The following CEP112 variants were observed in gnomAD, a reference collection of about 807,000 sequenced individuals.
CEP112 encodes the protein centrosomal protein of 112 kDa.
Under a neutral mutation model 153.0 loss-of-function variants are expected in CEP112, and 127 were observed. That is an observed-to-expected ratio of 0.83 (90% CI 0.72 to 0.96). The LOEUF (loss-of-function observed/expected upper bound fraction) is 0.96, where lower values mean the gene tolerates loss of function less well. CEP112 is among the 40% of genes least tolerant of loss of function. The probability of loss-of-function intolerance (pLI) is 0.00; values close to 1 mark genes in which losing one functional copy is unlikely to be tolerated. For missense variants in CEP112, 1,089 were observed against 1,101.2 expected, an observed-to-expected ratio of 0.99 and a Z score of 0.16; for synonymous variants, 358 against 374.4, an observed-to-expected ratio of 0.96 and a Z score of 0.51.
intron 17 of CEP112, among the ~76,000 whole-genome samples, chr17:65,985,168 G>A (rs2063360865): frequency 6.6e-6 from 1 of 152,166 alleles, no homozygotes; most frequent in South Asian, 2.1e-4. Context: ...TAAGAAAAAA[G>A]TTTTAAGATG....
chr17:65,776,476 T>G (rs959384018), intron 21 of CEP112, among the ~76,000 whole-genome samples: 1 of 152,142 alleles, frequency 6.6e-6, no homozygotes, highest in Non-Finnish European at 1.5e-5. Context: ...CTGCCCGCCT[T>G]GGCCTCCCAA....
At chr17:66,160,339 CTACTT>C in intron 4 of CEP112, among the ~76,000 whole-genome samples, 1 of 152,278 alleles carries the variant, frequency 6.6e-6, no homozygotes, top group East Asian at 1.9e-4. Context: ...TTAGAAAAAA[CTACTT>C]TAAATTTCAT....
intron 21 of CEP112, among the ~76,000 whole-genome samples, chr17:65,804,697 G>A (rs1001711058): frequency 2.6e-5 from 4 of 152,014 alleles, no homozygotes; most frequent in Admixed American, 2.6e-4. Context: ...CAAATTTTGA[G>A]AATAAAAGTA....
At chr17:65,683,403 C>T (rs748457537) in intron 24 of CEP112, among the ~76,000 whole-genome samples, 5 of 152,174 alleles carry the variant, frequency 3.3e-5, no homozygotes, top group Non-Finnish European at 4.4e-5. Context: ...TACAACTAAA[C>T]CAGCTGGCTG....
intron 23 of CEP112, among the ~76,000 whole-genome samples, chr17:65,730,204 A>C (rs2050423413): frequency 6.6e-6 from 1 of 152,216 alleles, no homozygotes; most frequent in Non-Finnish European, 1.5e-5. Flanking sequence ...ACTAGTTTTA[A>C]AATAAAATAA....
chr17:65,942,008 G>A (rs4791110), intron 18 of CEP112, among the ~76,000 whole-genome samples: 62,529 of 151,476 alleles, frequency 0.41, 14,219 homozygotes, highest in East Asian at 0.87. Context: ...GTTGGTATAC[G>A]TAAGAGAAAG....
At chr17:66,179,185 G>T (rs939447110) in intron 2 of CEP112, among the ~76,000 whole-genome samples, 1 of 152,010 alleles carries the variant, frequency 6.6e-6, no homozygotes, top group Non-Finnish European at 1.5e-5. Context: ...GGTCTTTTGT[G>T]GTTCCACATA....
At chr17:66,182,859 A>G (rs1027423170) in intron 2 of CEP112, among the ~76,000 whole-genome samples, 6 of 152,210 alleles carry the variant, frequency 3.9e-5, no homozygotes, top group African/African-American at 1.4e-4. Flanking sequence ...GGCCCTTTCC[A>G]TAGAAAGAAG....
At chr17:66,167,132 T>C (rs2072010357) in intron 4 of CEP112, among the ~76,000 whole-genome samples, 1 of 152,218 alleles carries the variant, frequency 6.6e-6, no homozygotes, top group Non-Finnish European at 1.5e-5. Context: ...TGCAGAGTCA[T>C]AATTTATTTT....
intron 20 of CEP112, among the ~76,000 whole-genome samples, chr17:65,893,446 C>T (rs1323589167): frequency 6.6e-6 from 1 of 152,100 alleles, no homozygotes; most frequent in Non-Finnish European, 1.5e-5. Flanking sequence ...TTTTCCCAAC[C>T]TCCCAATAAA....
At chr17:66,123,969 A>G (rs1255564555) in intron 6 of CEP112, among the ~76,000 whole-genome samples, 1 of 152,222 alleles carries the variant, frequency 6.6e-6, no homozygotes, top group Non-Finnish European at 1.5e-5. Flanking sequence ...TGGACAGTCA[A>G]CTGCATTCAG....
At chr17:65,645,597 CT>C (rs2045387595) in intron 24 of CEP112, among the ~76,000 whole-genome samples, 1 of 152,138 alleles carries the variant, frequency 6.6e-6, no homozygotes, top group Non-Finnish European at 1.5e-5. Context: ...AGATATGTCT[CT>C]TCTTTTTTCT....
chr17:66,049,356 TATC>T (rs2066345677), intron 12 of CEP112, among the ~76,000 whole-genome samples: 1 of 152,232 alleles, frequency 6.6e-6, no homozygotes, highest in Non-Finnish European at 1.5e-5. Flanking sequence ...TCACCTATAT[TATC>T]ATTCATAATA....
intron 19 of CEP112, among the ~76,000 whole-genome samples, chr17:65,904,130 G>A (rs553235542): frequency 6.6e-6 from 1 of 151,980 alleles, no homozygotes; most frequent in South Asian, 2.1e-4. Context: ...ACAAATAAAG[G>A]GTATTCAAAT....
At chr17:66,100,063 G>GA (rs1006942384) in intron 6 of CEP112, among the ~76,000 whole-genome samples, 40 of 149,796 alleles carry the variant, frequency 2.7e-4, no homozygotes, top group African/African-American at 8.1e-4. Flanking sequence ...CTAGATTCAG[G>GA]AAAAAAAAAC....
intron 6 of CEP112, among the ~76,000 whole-genome samples, chr17:66,110,385 G>A (rs1458554817): frequency 6.6e-6 from 1 of 151,104 alleles, no homozygotes; most frequent in Non-Finnish European, 1.5e-5. Context: ...TAAAACTATA[G>A]TAATGTAGAC....
intron 25 of CEP112, among the ~76,000 whole-genome samples, chr17:65,638,333 G>T (rs1207739461): frequency 1.3e-5 from 2 of 152,200 alleles, no homozygotes; most frequent in African/African-American, 4.8e-5. Flanking sequence ...TTATACCATG[G>T]CTTAATGTAA....
rs2145248746 is a variant in CEP112, at chr17:65,750,694, C to T, written c.2425G>A (p.Glu809Lys). 2 of 1,613,940 alleles carry T rather than the reference C, an allele frequency of 1.2e-6. No individual in the cohort carries two copies. Among genetic ancestry groups the T allele is most frequent in the Non-Finnish European group, 1.7e-6 (2 of 1,179,964 alleles). Residue 809 changes from glutamate to lysine, a missense_variant, in exon 22 of 27, where the codon GAA becomes AAA. Transcript: ENST00000535342. ...ANSKLKQIEKEYTQKLAKSSQ... is the reference protein window; with the variant it reads ...ANSKLKQIEKKYTQKLAKSSQ... ...GATTTGGCAAGCTTCTGAGTGTATT[C>T]CTTCTCAATCTGCTTCAGCTTGCTG...
At chr17:65,703,117 T>C (rs2048724917) in intron 23 of CEP112, among the ~76,000 whole-genome samples, 1 of 152,148 alleles carries the variant, frequency 6.6e-6, no homozygotes, top group Non-Finnish European at 1.5e-5. Flanking sequence ...TAAGAGGGGA[T>C]TGGTGTCCTA....
Sources: gnomAD v4.1 joint callset for allele counts (sites outside exome capture counted in the v4.1 genomes callset) on GRCh38, gnomAD v4.1.1 for gene constraint, MANE v1.5 for transcripts, NCBI Gene and HGNC (gene_info 2026-07-23, HGNC 2026-07-21) for gene names.